Variants in NTNG1 observed in about 807,000 individuals in gnomAD.
The protein encoded by NTNG1 is netrin-G1.
In NTNG1, 16 loss-of-function variants were observed where a neutral mutation model predicts 54.0. The ratio of observed to expected loss-of-function variants is 0.30; its 90% confidence interval spans 0.20 to 0.45. The LOEUF is 0.45. Among genes scored for constraint, NTNG1 ranks in the 20% least tolerant of loss-of-function variants. The pLI, the probability that NTNG1 is intolerant of heterozygous loss-of-function variation, is 1.00. For missense variants in NTNG1, 530 were observed against 678.7 expected (o/e 0.78, Z 2.43); for synonymous variants, 255 against 263.1 (o/e 0.97, Z 0.30).
intron 2 of NTNG1, among the ~76,000 whole-genome samples, chr1:107,201,333 A>G (rs1658738633): frequency 6.6e-6 from 1 of 151,748 alleles, no homozygotes; most frequent in South Asian, 2.1e-4. Flanking sequence ...ATTGTCCTCA[A>G]TCTTCCAATC....
intron 2 of NTNG1, among the ~76,000 whole-genome samples, chr1:107,211,325 A>T (rs1211083746): frequency 6.6e-6 from 1 of 152,156 alleles, no homozygotes; most frequent in East Asian, 1.9e-4. Context: ...GACTGAAATG[A>T]ATTATTTACT....
At chr1:107,367,275 A>AT (rs997872773) in intron 3 of NTNG1, among the ~76,000 whole-genome samples, 25 of 151,708 alleles carry the variant, frequency 1.6e-4, no homozygotes, top group South Asian at 6.3e-4. Flanking sequence ...CCTGAAATTG[A>AT]TTTTTTTTTA....
chr1:107,259,962 T>C (rs1365549954), intron 2 of NTNG1, among the ~76,000 whole-genome samples: 1 of 152,202 alleles, frequency 6.6e-6, no homozygotes, highest in Non-Finnish European at 1.5e-5. Flanking sequence ...CTAAAAATAC[T>C]GAGCTAGGTG....
chr1:107,193,142 G>A (rs1658082094), intron 2 of NTNG1, among the ~76,000 whole-genome samples: 1 of 152,028 alleles, frequency 6.6e-6, no homozygotes, highest in African/African-American at 2.4e-5. Context: ...CTCCTGGACA[G>A]TTGGATGATT....
At chr1:107,447,015 T>C (rs1317582640) in intron 7 of NTNG1, among the ~76,000 whole-genome samples, 2 of 152,100 alleles carry the variant, frequency 1.3e-5, no homozygotes, top group Non-Finnish European at 2.9e-5. Context: ...TGCTAAGATA[T>C]ATTTTTAACA....
intron 3 of NTNG1, among the ~76,000 whole-genome samples, chr1:107,337,152 T>C (rs1302273542): frequency 6.6e-6 from 1 of 152,002 alleles, no homozygotes; most frequent in Admixed American, 6.6e-5. Context: ...TGAACAGATA[T>C]TTGTACATCC....
At position 107,428,967 on chromosome 1, in the gene NTNG1, CT is replaced by C. The variant is rs1675079188; in HGVS notation, c.1088-1782del. Among the ~76,000 whole-genome samples, 3 of 152,158 alleles carry C rather than the reference CT, an allele frequency of 2.0e-5. No homozygotes were observed. In the South Asian group the frequency reaches 6.2e-4, roughly 32 times the overall value. On this transcript the variant is annotated intron_variant, in intron 5 of 7. Transcript: ENST00000370068. ...TTATATGGATATTTCCTTACACTGTCTCCTACATTGGAGTCTCAATGCCACC... is the reference window on the plus strand; with the variant it reads ...TTATATGGATATTTCCTTACACTGTCCCTACATTGGAGTCTCAATGCCACC...
intron 3 of NTNG1, among the ~76,000 whole-genome samples, chr1:107,346,637 G>T (rs1338538412): frequency 6.6e-6 from 1 of 152,042 alleles, no homozygotes. Context: ...ATGTTCAGTA[G>T]CTAGTTTAAA....
intron 3 of NTNG1, among the ~76,000 whole-genome samples, chr1:107,385,857 A>G (rs964889692): frequency 1.3e-5 from 2 of 150,890 alleles, no homozygotes; most frequent in African/African-American, 4.9e-5. Context: ...TTAATGTACA[A>G]TTCAGTGGTT....
chr1:107,212,530 T>A (rs1659664823), intron 2 of NTNG1, among the ~76,000 whole-genome samples: 1 of 152,196 alleles, frequency 6.6e-6, no homozygotes. Flanking sequence ...TGAACAGTAA[T>A]GTCAAGCCAT....
intron 3 of NTNG1, among the ~76,000 whole-genome samples, chr1:107,376,429 CA>C (rs1005830149): frequency 6.9e-4 from 80 of 116,118 alleles, no homozygotes; most frequent in African/African-American, 2.5e-3. Flanking sequence ...AAAAAAAAAA[CA>C]AAAAAAAAAA....
intron 7 of NTNG1, among the ~76,000 whole-genome samples, chr1:107,458,259 G>T (rs11803285): frequency 6.6e-6 from 1 of 151,928 alleles, no homozygotes; most frequent in Non-Finnish European, 1.5e-5. Flanking sequence ...CTGCCAATCC[G>T]GGGGAAGCAA....
At chr1:107,302,360 C>T (rs1233144575) in intron 2 of NTNG1, among the ~76,000 whole-genome samples, 1 of 152,064 alleles carries the variant, frequency 6.6e-6, no homozygotes, top group Non-Finnish European at 1.5e-5. Context: ...TTCTGATAAC[C>T]TTCTAGTTCA....
chr1:107,341,106 T>C (rs778336174), intron 3 of NTNG1, among the ~76,000 whole-genome samples: 3 of 151,970 alleles, frequency 2.0e-5, no homozygotes, highest in African/African-American at 4.8e-5. Context: ...CTGGACAACA[T>C]AGCAAGACCC....
At chr1:107,355,098 G>T (rs1669858544) in intron 3 of NTNG1, among the ~76,000 whole-genome samples, 1 of 151,876 alleles carries the variant, frequency 6.6e-6, no homozygotes, top group South Asian at 2.1e-4. Context: ...ATTGTGTTTG[G>T]TTAGTTTTCT....
chr1:107,412,812 G>A (rs1279702270), intron 5 of NTNG1, among the ~76,000 whole-genome samples: 1 of 152,126 alleles, frequency 6.6e-6, no homozygotes, highest in Non-Finnish European at 1.5e-5. Flanking sequence ...ATAGATGTCA[G>A]GTATTTTATA....
At chr1:107,179,300 A>G (rs956286628) in intron 2 of NTNG1, among the ~76,000 whole-genome samples, 1 of 152,146 alleles carries the variant, frequency 6.6e-6, no homozygotes, top group African/African-American at 2.4e-5. Flanking sequence ...TTCTTGTGGG[A>G]AATATTTTAT....
chr1:107,467,727 G>T (rs1483206230), intron 7 of NTNG1, among the ~76,000 whole-genome samples: 4 of 152,120 alleles, frequency 2.6e-5, no homozygotes, highest in African/African-American at 9.7e-5. Context: ...TCATTGAAAA[G>T]GTATGCTATG....
chr1:107,382,968 A>G (rs1671739078), intron 3 of NTNG1, among the ~76,000 whole-genome samples: 1 of 152,194 alleles, frequency 6.6e-6, no homozygotes, highest in South Asian at 2.1e-4. Context: ...CCAATTTTCC[A>G]TACCACCCAT....
Sources: gnomAD v4.1 joint callset for allele counts (sites outside exome capture counted in the v4.1 genomes callset) on GRCh38, gnomAD v4.1.1 for gene constraint, MANE v1.5 for transcripts, NCBI Gene and HGNC (gene_info 2026-07-23, HGNC 2026-07-21) for gene names.